Variants in NKAIN2 observed in about 807,000 individuals in gnomAD.
NKAIN2 encodes sodium/potassium transporting ATPase interacting 2, also known as sodium/potassium-transporting ATPase subunit beta-1-interacting protein 2.
A neutral mutation model predicts 32.6 loss-of-function variants in NKAIN2; 14 were observed. That is an observed-to-expected ratio of 0.43 (90% CI 0.28 to 0.67). The LOEUF (loss-of-function observed/expected upper bound fraction) is 0.67, where lower values mean the gene tolerates loss of function less well. Among genes scored for constraint, NKAIN2 ranks in the 30% least tolerant of loss-of-function variants. The pLI is 0.17. For missense variants in NKAIN2, 198 were observed against 258.3 expected (o/e 0.77, Z 1.60); for synonymous variants, 80 against 87.2 (o/e 0.92, Z 0.46).
At chr6:124,779,158 C>G (rs1336357857) in intron 4 of NKAIN2, among the ~76,000 whole-genome samples, 1 of 151,458 alleles carries the variant, frequency 6.6e-6, no homozygotes, top group African/African-American at 2.4e-5. Context: ...GTGGGAGAAT[C>G]AGTTGAGCCC....
chr6:124,141,096 G>T (rs1787113492), intron 1 of NKAIN2, among the ~76,000 whole-genome samples: 1 of 152,150 alleles, frequency 6.6e-6, no homozygotes. Flanking sequence ...GGGATCACAG[G>T]AAATTAGGCC....
chr6:123,900,532 GTTTTTTTTTTTTTTT>G (rs34370743), intron 1 of NKAIN2, among the ~76,000 whole-genome samples: 28 of 32,790 alleles, frequency 8.5e-4, no homozygotes, highest in South Asian at 2.1e-3. Context: ...CTCCAGATTA[GTTTTTTTTTTTTTTT>G]TTTTTTTTTT....
Position 124,252,675 on chromosome 6 carries a change from A to C in NKAIN2, c.55-30330A>C, listed in dbSNP as rs183575791. 2.0e-5 allele frequency among the ~76,000 whole-genome samples: 3 copies of C among 152,286 alleles called. No homozygotes were observed. In the East Asian group the frequency reaches 5.8e-4, roughly 29 times the overall value. On this transcript the variant is annotated intron_variant, in intron 1 of 6. Transcript: ENST00000368417. ...TTAAAGTATATTCCAAATTTATCAGAGTAGAACAGAAGAAGATCCAGTTGC... is the reference window on the plus strand; with the variant it reads ...TTAAAGTATATTCCAAATTTATCAGCGTAGAACAGAAGAAGATCCAGTTGC...
chr6:124,292,450 C>T (rs1795858539), intron 2 of NKAIN2, among the ~76,000 whole-genome samples: 3 of 151,944 alleles, frequency 2.0e-5, no homozygotes. Context: ...CCTTTTTGAA[C>T]CAAAAGTGTA....
At chr6:124,500,213 A>G (rs1245494140) in intron 3 of NKAIN2, among the ~76,000 whole-genome samples, 2 of 152,226 alleles carry the variant, frequency 1.3e-5, no homozygotes, top group Non-Finnish European at 2.9e-5. Context: ...AGTTTTGGAA[A>G]TATCAGTCTA....
intron 1 of NKAIN2, among the ~76,000 whole-genome samples, chr6:124,204,751 C>T (rs1370430551): frequency 6.6e-6 from 1 of 151,626 alleles, no homozygotes; most frequent in African/African-American, 2.4e-5. Flanking sequence ...TTCTCTTGGA[C>T]ATGGATGAAC....
chr6:124,382,794 G>A (rs754939255), intron 3 of NKAIN2, among the ~76,000 whole-genome samples: 1 of 152,146 alleles, frequency 6.6e-6, no homozygotes, highest in Non-Finnish European at 1.5e-5. Flanking sequence ...GCCAAGTTCA[G>A]TTTATTTGTG....
intron 1 of NKAIN2, among the ~76,000 whole-genome samples, chr6:124,123,186 AG>A (rs369506264): frequency 4.2e-4 from 64 of 152,068 alleles, no homozygotes; most frequent in African/African-American, 1.5e-3. Flanking sequence ...AATGTGTTAA[AG>A]GTCACCTTAA....
intron 3 of NKAIN2, among the ~76,000 whole-genome samples, chr6:124,511,704 T>TTCATGTTCCA (rs1778720810): frequency 6.6e-6 from 1 of 152,186 alleles, no homozygotes; most frequent in Admixed American, 6.5e-5. Flanking sequence ...TATGTCTTTG[T>TTCATGTTCCA]GGATTTCAGG....
At chr6:124,011,857 AGG>A (rs1780346886) in intron 1 of NKAIN2, among the ~76,000 whole-genome samples, 1 of 152,132 alleles carries the variant, frequency 6.6e-6, no homozygotes, top group East Asian at 1.9e-4. Flanking sequence ...TGTTTGCTTC[AGG>A]GGATAGTCCT....
intron 2 of NKAIN2, among the ~76,000 whole-genome samples, chr6:124,292,701 A>T (rs1393741047): frequency 6.6e-6 from 1 of 152,048 alleles, no homozygotes; most frequent in Non-Finnish European, 1.5e-5. Flanking sequence ...AAGAAAAATG[A>T]TATTTATGGA....
rs149767154 is a variant in NKAIN2 at position 124,081,868 on chromosome 6, A to G, written c.55-201137A>G. On this transcript the variant is annotated intron_variant, in intron 1 of 6. Coordinates refer to ENST00000368417, the MANE Select transcript of NKAIN2 (RefSeq NM_001040214.3). Reference sequence around the variant, plus strand: ...TGTGAGTTGGATCACATACAATTACATATTATGTTAAATATTCTTAGCAAC... The same window carrying G: ...TGTGAGTTGGATCACATACAATTACGTATTATGTTAAATATTCTTAGCAAC... Among the ~76,000 whole-genome samples the G allele has an allele frequency of 4.6e-5, 7 of 151,874 alleles. No homozygotes were observed. The East Asian group carries it at 1.4e-3, about 29-fold the overall frequency.
chr6:123,981,146 C>A (rs554678819), intron 1 of NKAIN2, among the ~76,000 whole-genome samples: 1 of 152,150 alleles, frequency 6.6e-6, no homozygotes, highest in African/African-American at 2.4e-5. Context: ...GGATTGCAGG[C>A]GTGAGCCACC....
intron 3 of NKAIN2, among the ~76,000 whole-genome samples, chr6:124,410,954 T>C (rs1413446187): frequency 6.6e-6 from 1 of 152,126 alleles, no homozygotes; most frequent in Non-Finnish European, 1.5e-5. Context: ...TTTGTCTCTT[T>C]TGATCTTTGT....
At chr6:124,184,883 G>C (rs1789635160) in intron 1 of NKAIN2, among the ~76,000 whole-genome samples, 1 of 151,966 alleles carries the variant, frequency 6.6e-6, no homozygotes, top group Non-Finnish European at 1.5e-5. Flanking sequence ...GGATGGAACA[G>C]TAGACTGGTG....
intron 3 of NKAIN2, among the ~76,000 whole-genome samples, chr6:124,476,483 A>G (rs1409832775): frequency 6.6e-6 from 1 of 151,684 alleles, no homozygotes; most frequent in East Asian, 1.9e-4. Context: ...TTTGACAGGC[A>G]TGTTTAAGGC....
chr6:124,518,328 G>GA (rs2114790262), intron 3 of NKAIN2, among the ~76,000 whole-genome samples: 1 of 149,832 alleles, frequency 6.7e-6, no homozygotes, highest in East Asian at 2.0e-4. Flanking sequence ...GAAAGCAAAA[G>GA]AAAAAAAGAG....
intron 3 of NKAIN2, among the ~76,000 whole-genome samples, chr6:124,545,272 G>A (rs972619628): frequency 5.3e-5 from 8 of 151,998 alleles, no homozygotes; most frequent in African/African-American, 7.2e-5. Flanking sequence ...TATCAAACAC[G>A]TAGAAAGGAG....
At chr6:124,664,793 C>CAAAAAAAAAA (rs57032378) in intron 4 of NKAIN2, among the ~76,000 whole-genome samples, 13 of 40,804 alleles carry the variant, frequency 3.2e-4, no homozygotes, top group African/African-American at 6.8e-4. Flanking sequence ...GACTCCGTCT[C>CAAAAAAAAAA]AAAAAAAAAA....
Sources: gnomAD v4.1 joint callset for allele counts (sites outside exome capture counted in the v4.1 genomes callset) on GRCh38, gnomAD v4.1.1 for gene constraint, MANE v1.5 for transcripts, NCBI Gene and HGNC (gene_info 2026-07-23, HGNC 2026-07-21) for gene names.